The following ADAMTSL1 variants were observed in gnomAD, a reference collection of about 807,000 sequenced individuals.
The protein encoded by ADAMTSL1 is ADAMTS-like protein 1.
A neutral mutation model predicts 201.8 loss-of-function variants in ADAMTSL1; 126 were observed. The ratio of observed to expected loss-of-function variants is 0.62; its 90% CI spans 0.54 to 0.72. ADAMTSL1 has a LOEUF of 0.72. ADAMTSL1 is among the 30% of genes least tolerant of loss of function. ADAMTSL1 has a pLI of 0.00. For missense variants in ADAMTSL1, 2,679 were observed against 2,277.8 expected, an observed-to-expected ratio of 1.18 and a Z score of -3.59; for synonymous variants, 1,121 against 903.4, an observed-to-expected ratio of 1.24 and a Z score of -4.32.
At chr9:18,552,027 G>C (rs547390747) in intron 3 of ADAMTSL1, among the ~76,000 whole-genome samples, 4 of 151,860 alleles carry the variant, frequency 2.6e-5, no homozygotes, top group Non-Finnish European at 4.4e-5. Flanking sequence ...AATGAAATTT[G>C]TCAGAATTTA....
intron 5 of ADAMTSL1, among the ~76,000 whole-genome samples, chr9:18,633,784 A>G (rs1391032298): frequency 6.6e-6 from 1 of 152,124 alleles, no homozygotes; most frequent in Non-Finnish European, 1.5e-5. Flanking sequence ...CATGAGTGGA[A>G]TATTCAACTT....
intron 2 of ADAMTSL1, among the ~76,000 whole-genome samples, chr9:18,511,486 G>A (rs1219876291): frequency 6.6e-6 from 1 of 152,016 alleles, no homozygotes; most frequent in Admixed American, 6.6e-5. Context: ...TATTAGATGA[G>A]CAAGAAATAA....
chr9:18,712,768 G>A (rs867331173), intron 14 of ADAMTSL1, among the ~76,000 whole-genome samples: 10 of 151,908 alleles, frequency 6.6e-5, no homozygotes, highest in East Asian at 1.9e-4. Context: ...GATACTCCTC[G>A]AGAAGAATAA....
At chr9:18,241,812 T>A (rs1274975933) in intron 2 of ADAMTSL1, among the ~76,000 whole-genome samples, 1 of 151,922 alleles carries the variant, frequency 6.6e-6, no homozygotes, top group Non-Finnish European at 1.5e-5. Flanking sequence ...CATACAAAGA[T>A]AGAATCAGGA....
Position 18,474,157 on chromosome 9 carries a change from C to G in ADAMTSL1, c.-76C>G, listed in dbSNP as rs1338102270. The G allele has an allele frequency of 1.5e-6, 2 of 1,332,204 alleles. No individual in the cohort carries two copies. The highest frequency in any genetic ancestry group is 2.1e-6 in the Non-Finnish European group (2 of 940,638). 82.5% of individuals were successfully genotyped at this position (1,332,204 alleles called of 1,614,324 possible). On this transcript the variant is annotated 5_prime_UTR_variant, in exon 1 of 29. Coordinates refer to ENST00000380548, the MANE Select transcript of ADAMTSL1 (RefSeq NM_001040272.6). The stretch of plus-strand genomic sequence containing the variant: ...CAGGACTGGAGTGTTAGCACCAGTA[C>G]TGGATGTGACAGCAGGCAGAGGAGC...
At chr9:18,810,823 T>A (rs529197926) in intron 20 of ADAMTSL1, among the ~76,000 whole-genome samples, 24 of 152,176 alleles carry the variant, frequency 1.6e-4, no homozygotes, top group African/African-American at 5.8e-4. Context: ...TTCTTACTGC[T>A]AAGTACCACT....
chr9:17,992,013 C>G (rs1378726474), intron 1 of ADAMTSL1, among the ~76,000 whole-genome samples: 1 of 152,092 alleles, frequency 6.6e-6, no homozygotes, highest in African/African-American at 2.4e-5. Context: ...TAGAGAGGCC[C>G]AGACATTGAT....
intron 1 of ADAMTSL1, among the ~76,000 whole-genome samples, chr9:18,079,853 G>A (rs886681294): frequency 1.2e-4 from 19 of 152,124 alleles, no homozygotes; most frequent in African/African-American, 4.1e-4. Flanking sequence ...CTAAAGGGGT[G>A]ATTTTGTTGA....
intron 1 of ADAMTSL1, among the ~76,000 whole-genome samples, chr9:18,498,648 T>C (rs1055383733): frequency 6.6e-6 from 1 of 152,152 alleles, no homozygotes. Flanking sequence ...ATTTTACACA[T>C]GAAGAAACTC....
intron 1 of ADAMTSL1, among the ~76,000 whole-genome samples, chr9:18,133,458 A>C (rs1826032712): frequency 1.3e-5 from 2 of 152,138 alleles, no homozygotes; most frequent in African/African-American, 4.8e-5. Flanking sequence ...ATTGAATCTC[A>C]TATATTATCT....
intron 15 of ADAMTSL1, among the ~76,000 whole-genome samples, chr9:18,751,812 A>G (rs1208115347): frequency 6.6e-6 from 1 of 152,244 alleles, no homozygotes; most frequent in Non-Finnish European, 1.5e-5. Context: ...AGGAAAGGGC[A>G]AAAGATATTC....
At chr9:18,098,028 G>T (rs1034142495) in intron 1 of ADAMTSL1, among the ~76,000 whole-genome samples, 2 of 151,750 alleles carry the variant, frequency 1.3e-5, no homozygotes, top group East Asian at 3.9e-4. Context: ...GGAGATCAAG[G>T]CTTATTTTTT....
Position 18,259,342 on chromosome 9 carries a change from C to T in ADAMTSL1, c.207+95361C>T, listed in dbSNP as rs536016224. Among the ~76,000 whole-genome samples, 11 of 152,016 alleles carry T rather than the reference C, an allele frequency of 7.2e-5. No individual in the cohort carries two copies. The South Asian group carries it at 8.3e-4, about 11-fold the overall frequency. On this transcript the variant is annotated intron_variant, in intron 2 of 29. Coordinates refer to the ADAMTSL1 transcript ENST00000680146. ...GAGTTTAAGACCAGCCTGGGCGACA[C>T]GGTGAAACCCGTCTCTACAAAAAGT...
intron 24 of ADAMTSL1, 117 bp downstream of exon 24, chr9:18,888,160 A>AC: frequency 9.3e-6 from 10 of 1,080,438 alleles, no homozygotes; most frequent in Non-Finnish European, 1.3e-5. Context: ...AGGCATGAAA[A>AC]CCAAAGCCAT....
In ADAMTSL1 at chr9:17,932,042, A is replaced by G. The variant is rs145906242; in HGVS notation, c.87+25120A>G. 4.9e-3 allele frequency among the ~76,000 whole-genome samples: 739 copies of G among 152,282 alleles called. 7 individuals carry two copies. The highest frequency in any genetic ancestry group is 0.017 in the African/African-American group (690 of 41,560). ...AATTTGAGTTCAAATCCACCTGTGC[A>G]CAGGTTTGGATATCTTTGTGTTTGG... is the stretch of plus-strand genomic sequence containing the variant. On this transcript the variant is annotated intron_variant, in intron 1 of 29. Coordinates refer to the ADAMTSL1 transcript ENST00000680146.
intron 2 of ADAMTSL1, among the ~76,000 whole-genome samples, chr9:18,179,211 G>A (rs944104016): frequency 7.2e-5 from 11 of 152,052 alleles, no homozygotes; most frequent in South Asian, 6.2e-4. Flanking sequence ...ACCAAGGCTC[G>A]AGAACTACGT....
intron 2 of ADAMTSL1, among the ~76,000 whole-genome samples, chr9:18,509,860 G>A (rs1419432470): frequency 6.6e-6 from 1 of 152,130 alleles, no homozygotes; most frequent in African/African-American, 2.4e-5. Context: ...AGTCTTCTAT[G>A]GCTTTCTTAC....
intron 2 of ADAMTSL1, among the ~76,000 whole-genome samples, chr9:18,413,521 G>A (rs7862923): frequency 0.029 from 4,453 of 152,154 alleles, 207 homozygotes; most frequent in African/African-American, 0.094. Context: ...GTCTGTAATA[G>A]TTATTTTGCC....
At chr9:18,444,241 A>G (rs1194256187) in intron 2 of ADAMTSL1, among the ~76,000 whole-genome samples, 1 of 152,168 alleles carries the variant, frequency 6.6e-6, no homozygotes, top group Non-Finnish European at 1.5e-5. Context: ...AGAAACTACT[A>G]AGGGTGAGGC....
Sources: allele counts gnomAD v4.1 joint callset (sites outside exome capture counted in the v4.1 genomes callset), GRCh38; gene constraint gnomAD v4.1.1; transcripts MANE v1.5; gene names NCBI Gene and HGNC (gene_info 2026-07-23, HGNC 2026-07-21).